HEPACAM2: variants seen among roughly 807,000 people sequenced by gnomAD.
HEPACAM2 encodes the protein HEPACAM family member 2, also known as mitotic kinetics regulator.
HEPACAM2 carries 49 observed loss-of-function variants against 49.6 expected under a neutral mutation model. The observed-to-expected ratio is 0.99, with a 90% CI of 0.78 to 1.25. HEPACAM2 has a LOEUF of 1.25. HEPACAM2 is among the 50% of genes most tolerant of loss of function. HEPACAM2 has a pLI of 0.00. For synonymous variants in HEPACAM2, 197 were observed against 202.9 expected, an observed-to-expected ratio of 0.97 and a Z score of 0.25; for missense variants, 525 against 557.2, an observed-to-expected ratio of 0.94 and a Z score of 0.58.
intron 7 of HEPACAM2, among the ~76,000 whole-genome samples, chr7:93,196,304 G>GT (rs1414666155): frequency 1.3e-5 from 2 of 152,132 alleles, no homozygotes; most frequent in Non-Finnish European, 2.9e-5. Context: ...TCTAACAGAT[G>GT]TAACAGATCA....
chr7:93,218,488 A>C (rs566201206), intron 2 of HEPACAM2, among the ~76,000 whole-genome samples: 2 of 152,306 alleles, frequency 1.3e-5, no homozygotes, highest in Admixed American at 6.5e-5. Flanking sequence ...AATTGATAGA[A>C]TGGAATTTGT....
rs1484018918 is a variant in HEPACAM2 at position 93,208,898 on chromosome 7, T to C, written c.716-22A>G. On this transcript the variant is annotated intron_variant, in intron 3 of 9. Coordinates refer to ENST00000394468, the MANE Select transcript of HEPACAM2 (RefSeq NM_001039372.4). ...CCATCTGCATCAATATAAAAAAAAA[T>C]AGATAAGTAACACAAGTAATCACAA... 6 of 1,493,120 alleles carry C rather than the reference T, an allele frequency of 4.0e-6. No homozygotes were observed. The African/African-American group carries it at 4.4e-5, about 11-fold the overall frequency. 92.5% of individuals were successfully genotyped at this position (1,493,120 alleles called of 1,614,324 possible).
intron 8 of HEPACAM2, among the ~76,000 whole-genome samples, chr7:93,194,446 T>C (rs1360988352): frequency 6.6e-6 from 1 of 152,136 alleles, no homozygotes; most frequent in Non-Finnish European, 1.5e-5. Context: ...CCATCAAATA[T>C]TTGTTTTTGT....
intron 2 of HEPACAM2, among the ~76,000 whole-genome samples, chr7:93,216,360 C>A (rs570805581): frequency 6.6e-6 from 1 of 152,124 alleles, no homozygotes; most frequent in South Asian, 2.1e-4. Flanking sequence ...TATTCTTGGG[C>A]TTTTATCAAA....
Position 93,215,593 on chromosome 7 carries a change from C to T in HEPACAM2, c.523G>A (p.Gly175Ser), listed in dbSNP as rs1584350517. ...NMTLTCHVEG[G>S]TRLAYQWLKN... Reference sequence around the variant, plus strand: ...AGCCATTGGTAAGCTAGCCGAGTGCCCCCTTCCACATGGCATGTCAGGGTC... The same window carrying T: ...AGCCATTGGTAAGCTAGCCGAGTGCTCCCTTCCACATGGCATGTCAGGGTC... Residue 175 changes from glycine (G) to serine (S), a missense_variant, in exon 3 of 10, where the codon GGC becomes AGC. Gly to Ser is a moderately conservative substitution (Grantham distance 56). Transcript: ENST00000394468. The T allele has an allele frequency of 1.9e-6, 3 of 1,613,748 alleles. 1 individual carries two copies. Among genetic ancestry groups the T allele is most frequent in the Middle Eastern group, 3.3e-4 (2 of 6,058 alleles).
intron 2 of HEPACAM2, among the ~76,000 whole-genome samples, chr7:93,218,744 A>T (rs1168655378): frequency 6.6e-6 from 1 of 152,144 alleles, no homozygotes; most frequent in Non-Finnish European, 1.5e-5. Context: ...TCTTCATGAC[A>T]AAAATAGGAC....
upstream of HEPACAM2, among the ~76,000 whole-genome samples, chr7:93,226,820 A>G (rs576111603): frequency 1.3e-5 from 2 of 152,280 alleles, no homozygotes; most frequent in Non-Finnish European, 1.5e-5. Flanking sequence ...CTGGTTTTCT[A>G]TCATGCAGAA....
chr7:93,210,638 T>G (rs753026121), intron 3 of HEPACAM2, among the ~76,000 whole-genome samples: 3 of 151,920 alleles, frequency 2.0e-5, no homozygotes, highest in Non-Finnish European at 2.9e-5. Context: ...GAGATAGAGG[T>G]ATGAGACATT....
intron 4 of HEPACAM2, among the ~76,000 whole-genome samples, chr7:93,198,426 A>G (rs73218052): frequency 0.12 from 18,954 of 152,100 alleles, 1,291 homozygotes; most frequent in East Asian, 0.19. Context: ...AAGTGGTAGA[A>G]TCCAGATGTT....
At position 93,215,480 on chromosome 7, in the gene HEPACAM2, T is replaced by G. The variant is rs2116704049; in HGVS notation, c.636A>C (p.Glu212Asp). 6.2e-7 allele frequency: 1 copy of G among 1,613,902 alleles called. No homozygotes were observed. Among genetic ancestry groups the G allele is most frequent in the Middle Eastern group, 1.7e-4 (1 of 6,058 alleles). The change falls in exon 3 of 10, where the codon GAA becomes GAC. Residue 212 changes from glutamate to aspartate, a missense_variant. Physicochemically the swap from Glu to Asp is conservative, Grantham distance 45 (BLOSUM62 2). Transcript: ENST00000394468. The stretch of plus-strand genomic sequence containing the variant: ...CCAGGCAGCTGTAATTCCCAATGTC[T>G]TCCTTGGTTACTGGAGCAATATGAA... ...NTLHIAPVTK[E>D]DIGNYSCLVR...
chr7:93,221,846 C>A (rs1794457842), intron 1 of HEPACAM2, among the ~76,000 whole-genome samples: 1 of 152,118 alleles, frequency 6.6e-6, no homozygotes, highest in Admixed American at 6.6e-5. Context: ...TACTTGCACA[C>A]TTTGGTGATT....
Position 93,208,888 on chromosome 7 carries a change from T to TAA in HEPACAM2, c.716-14_716-13dup, listed in dbSNP as rs78714737. 71 of 1,508,924 alleles carry TAA rather than the reference T, an allele frequency of 4.7e-5. No individual in the cohort carries two copies. In the East Asian group the frequency reaches 9.6e-4, roughly 20 times the overall value. The allele number at this position is 1,508,924 out of a possible 1,614,324, so 93.5% of individuals were successfully genotyped here. On this transcript the variant is annotated splice_polypyrimidine_tract_variant and intron_variant, in intron 3 of 9. Transcript: ENST00000394468. Reference sequence around the variant, plus strand: ...TCCATAAGGTCCATCTGCATCAATATAAAAAAAAATAGATAAGTAACACAA... The same window carrying TAA: ...TCCATAAGGTCCATCTGCATCAATATAAAAAAAAAAATAGATAAGTAACACAA...
chr7:93,217,335 A>T (rs527932492), intron 2 of HEPACAM2, among the ~76,000 whole-genome samples: 1 of 152,342 alleles, frequency 6.6e-6, no homozygotes, highest in South Asian at 2.1e-4. Context: ...AGTATAACTC[A>T]GATGAAGAAG....
At chr7:93,223,814 G>A (rs937232195) in intron 1 of HEPACAM2, among the ~76,000 whole-genome samples, 7 of 152,086 alleles carry the variant, frequency 4.6e-5, no homozygotes, top group African/African-American at 1.2e-4. Flanking sequence ...TCTCAGCCAC[G>A]TAAAATCTCT....
rs553470958 is a variant in HEPACAM2, at chr7:93,192,335, T to C, written c.1304A>G (p.Asp435Gly). 1 of 1,612,472 alleles carries C rather than the reference T, an allele frequency of 6.2e-7. No homozygotes were observed. Among genetic ancestry groups the C allele is most frequent in the African/African-American group, 1.3e-5 (1 of 74,800 alleles). ...GTGCAAATCTTGCCCCGATACACAA[T>C]CAGAGGCTGGAACAGACCTGCTTGG... Reference protein sequence around the residue: ...RIPSRSVPASDCVSGQDLHST... With the variant: ...RIPSRSVPASGCVSGQDLHST... Residue 435 changes from aspartate to glycine, a missense_variant, in exon 9 of 10, where the codon GAT becomes GGT. Physicochemically the swap from Asp to Gly is moderately conservative, Grantham distance 94 (BLOSUM62 -1). Coordinates refer to ENST00000394468, the MANE Select transcript of HEPACAM2 (RefSeq NM_001039372.4).
Position 93,208,686 on chromosome 7 carries a change from T to A in HEPACAM2, c.906A>T (p.Ala302=), listed in dbSNP as rs780110249. ...TTGTCTTCTGGGCTACTTTCTCAGA[T>A]GCAACTTCTAAGCGAGGCCCATGCT... is the stretch of plus-strand genomic sequence containing the variant. The part of the protein sequence containing the change: ...IIKHGPRLEV[A]SEKVAQKTMD... Residue 302 remains alanine, a synonymous_variant, in exon 4 of 10, where the codon GCA becomes GCT. Transcript: ENST00000394468. 2.5e-6 allele frequency: 4 copies of A among 1,613,242 alleles called. No homozygotes were observed. The highest frequency in any genetic ancestry group is 3.4e-6 in the Non-Finnish European group (4 of 1,179,452).
chr7:93,207,774 T>C (rs1034181061), intron 4 of HEPACAM2, among the ~76,000 whole-genome samples: 1 of 151,886 alleles, frequency 6.6e-6, no homozygotes, highest in African/African-American at 2.4e-5. Flanking sequence ...ATGGTGCTTC[T>C]GGCACTTCCA....
chr7:93,194,589 T>C (rs142773067), intron 8 of HEPACAM2, among the ~76,000 whole-genome samples: 101 of 152,226 alleles, frequency 6.6e-4, no homozygotes, highest in African/African-American at 2.3e-3. Context: ...TGAAATCCAA[T>C]CAGTCCCTCT....
upstream of HEPACAM2, among the ~76,000 whole-genome samples, chr7:93,228,438 A>G (rs1794576392): frequency 6.7e-6 from 1 of 149,116 alleles, no homozygotes; most frequent in African/African-American, 2.5e-5. Flanking sequence ...CTAGTGGTAA[A>G]CTGTAGATAT....
Sources: gnomAD v4.1 joint callset for allele counts (sites outside exome capture counted in the v4.1 genomes callset) on GRCh38, gnomAD v4.1.1 for gene constraint, MANE v1.5 for transcripts, NCBI Gene and HGNC (gene_info 2026-07-23, HGNC 2026-07-21) for gene names.